Variants in GPRIN3 observed in about 807,000 individuals in gnomAD.
The protein encoded by GPRIN3 is GPRIN family member 3.
In GPRIN3, 12 loss-of-function variants were observed where a neutral mutation model predicts 13.7. That is an observed-to-expected ratio of 0.87 (90% CI 0.56 to 1.42). The LOEUF (loss-of-function observed/expected upper bound fraction) is 1.42, where lower values mean the gene tolerates loss of function less well. Among genes scored for constraint, GPRIN3 ranks in the 40% most tolerant of loss-of-function variants. GPRIN3 has a pLI of 0.00. For synonymous variants in GPRIN3, 377 were observed against 372.7 expected (o/e 1.01, Z -0.13); for missense variants, 1,009 against 958.7 (o/e 1.05, Z -0.69).
At position 89,271,385 on chromosome 4, in the gene GPRIN3, C is replaced by T. The variant is rs368794045; in HGVS notation, c.-123-21152G>A. Among the ~76,000 whole-genome samples, 304 of 152,164 alleles carry T rather than the reference C, an allele frequency of 2.0e-3. 12 individuals are homozygous for T. The South Asian group carries it at 0.056, about 28-fold the overall frequency. On this transcript the variant is annotated intron_variant, in intron 1 of 1. Transcript: ENST00000609438. ...ATTCCCAGTGCATGGTATAGACATA[C>T]CATCATCCAGGACCCCCACTTCAGA... is the stretch of plus-strand genomic sequence containing the variant.
rs1033949863 is a variant in GPRIN3 at position 89,250,177 on chromosome 4, C to T, written c.-67G>A. 40 of 1,538,354 alleles carry T rather than the reference C, an allele frequency of 2.6e-5. No individual in the cohort carries two copies. The Admixed American group carries it at 3.3e-4, about 13-fold the overall frequency. ...TGGTCCCACTGGTGGGGGAGGGGAG[C>T]GCAGTCAGAGCTCAGAGTGATGACA... On this transcript the variant is annotated 5_prime_UTR_variant, in exon 2 of 2. Coordinates refer to ENST00000609438, the MANE Select transcript of GPRIN3 (RefSeq NM_198281.3).
At chr4:89,258,327 G>C (rs746827422) in intron 1 of GPRIN3, among the ~76,000 whole-genome samples, 7 of 151,260 alleles carry the variant, frequency 4.6e-5, no homozygotes, top group African/African-American at 1.7e-4. Flanking sequence ...AGCAATTCTC[G>C]TGCCTCAGTC....
intron 1 of GPRIN3, among the ~76,000 whole-genome samples, chr4:89,262,582 C>G (rs1234089524): frequency 6.6e-6 from 1 of 152,190 alleles, no homozygotes; most frequent in Non-Finnish European, 1.5e-5. Flanking sequence ...TCCATCTGCT[C>G]TTTGCTGTGC....
At chr4:89,256,326 A>G (rs1723464672) in intron 1 of GPRIN3, among the ~76,000 whole-genome samples, 1 of 152,204 alleles carries the variant, frequency 6.6e-6, no homozygotes, top group Non-Finnish European at 1.5e-5. Flanking sequence ...CACTACAGTG[A>G]CATTCATAAC....
At position 89,247,421 on chromosome 4, in the gene GPRIN3, C is replaced by T. The variant is rs1431548; in HGVS notation, c.*359G>A. 0.5 allele frequency: 87,742 copies of T among 176,112 alleles called. 22,425 individuals carry two copies. The highest frequency in any genetic ancestry group is 0.63 in the South Asian group (3,797 of 6,042). The allele number at this position is 176,112 out of a possible 1,614,324, so 10.9% of individuals were successfully genotyped here. ...AGCAGGGATTTTAATGGAACTACTACTGTGTGATAAATTGAGGCAGTTATA... is the reference window on the plus strand; with the variant it reads ...AGCAGGGATTTTAATGGAACTACTATTGTGTGATAAATTGAGGCAGTTATA... On this transcript the variant is annotated 3_prime_UTR_variant, in exon 2 of 2. Coordinates refer to ENST00000609438, the MANE Select transcript of GPRIN3 (RefSeq NM_198281.3).
At chr4:89,252,452 T>A (rs1032800766) in intron 1 of GPRIN3, among the ~76,000 whole-genome samples, 2 of 152,178 alleles carry the variant, frequency 1.3e-5, no homozygotes, top group Non-Finnish European at 1.5e-5. Flanking sequence ...ATTAAATGAT[T>A]TCTGAGGATC....
intron 1 of GPRIN3, among the ~76,000 whole-genome samples, chr4:89,290,056 G>A (rs1326844635): frequency 1.3e-5 from 2 of 151,042 alleles, no homozygotes; most frequent in African/African-American, 4.9e-5. Flanking sequence ...CAGGCTGGAG[G>A]GCAGTGGTGC....
intron 1 of GPRIN3, among the ~76,000 whole-genome samples, chr4:89,305,535 A>G (rs1017085447): frequency 7.2e-5 from 11 of 152,206 alleles, no homozygotes; most frequent in Non-Finnish European, 1.2e-4. Context: ...GCAGCTGCCA[A>G]TGAAAGAGCT....
rs1561174009 is a variant in GPRIN3, at chr4:89,247,809, G to GGACGCA, written c.2296_2301dup (p.Cys766_Val767dup). On this transcript the variant is annotated inframe_insertion, in exon 2 of 2. Transcript: ENST00000609438. ...TCTAACACAGAAGACGGGGCAGGAC[G>GGACGCA]GACGCAGCAGTTGGGGCGTCGGAAG... The GGACGCA allele has an allele frequency of 6.2e-7, 1 of 1,613,376 alleles. No individual in the cohort carries two copies. The highest frequency in any genetic ancestry group is 8.5e-7 in the Non-Finnish European group (1 of 1,179,438).
intron 1 of GPRIN3, among the ~76,000 whole-genome samples, chr4:89,302,494 T>G (rs1724926161): frequency 1.3e-5 from 2 of 152,120 alleles, no homozygotes; most frequent in African/African-American, 4.8e-5. Flanking sequence ...CAGATTCAGA[T>G]TAGGGTCATT....
At chr4:89,276,803 G>C (rs1724106323) in intron 1 of GPRIN3, among the ~76,000 whole-genome samples, 1 of 152,130 alleles carries the variant, frequency 6.6e-6, no homozygotes, top group Non-Finnish European at 1.5e-5. Flanking sequence ...GACAATGTTG[G>C]CTGGGTGGTG....
At chr4:89,258,314 T>C (rs1723536077) in intron 1 of GPRIN3, among the ~76,000 whole-genome samples, 1 of 151,784 alleles carries the variant, frequency 6.6e-6, no homozygotes, top group Non-Finnish European at 1.5e-5. Flanking sequence ...CCTCCTGGGT[T>C]CAAGCAATTC....
At chr4:89,260,137 G>A (rs1193473536) in intron 1 of GPRIN3, among the ~76,000 whole-genome samples, 1 of 152,156 alleles carries the variant, frequency 6.6e-6, no homozygotes, top group Non-Finnish European at 1.5e-5. Flanking sequence ...ATTGGAGGAT[G>A]GAAAAATGTC....
chr4:89,277,889 C>T (rs981132854), intron 1 of GPRIN3, among the ~76,000 whole-genome samples: 14 of 152,132 alleles, frequency 9.2e-5, no homozygotes, highest in Admixed American at 5.2e-4. Flanking sequence ...CGTTTTCTTC[C>T]GTCTTTCTGC....
At chr4:89,288,682 C>T (rs568407191) in intron 1 of GPRIN3, among the ~76,000 whole-genome samples, 3 of 152,288 alleles carry the variant, frequency 2.0e-5, no homozygotes, top group South Asian at 4.1e-4. Context: ...GGCTGAACTA[C>T]ATTTTACCCT....
In GPRIN3 at chr4:89,249,506, G is replaced by A; in HGVS notation, c.605C>T (p.Pro202Leu). Residue 202 changes from proline to leucine, a missense_variant, in exon 2 of 2, where the codon CCA becomes CTA. Transcript: ENST00000609438. ...ACTGACCACCCTGGCTGCTGTCACT[G>A]GAGTCTGCACTGTTCCCTGGATTGT... ...PETIQGTVQT[P>L]VTAARVVSHS... 1.2e-6 allele frequency: 2 copies of A among 1,614,116 alleles called. No homozygotes were observed. The highest frequency in any genetic ancestry group is 4.5e-5 in the East Asian group (2 of 44,872).
intron 1 of GPRIN3, among the ~76,000 whole-genome samples, chr4:89,257,813 C>A (rs1050413067): frequency 1.3e-5 from 2 of 152,110 alleles, no homozygotes; most frequent in African/African-American, 4.8e-5. Flanking sequence ...TTCCTTTAAA[C>A]CCTATTACTA....
chr4:89,290,715 C>CT (rs1370265904), intron 1 of GPRIN3, among the ~76,000 whole-genome samples: 3 of 152,114 alleles, frequency 2.0e-5, no homozygotes, highest in Admixed American at 2.0e-4. Context: ...GATAGGGACT[C>CT]TAAGAAGCTC....
At chr4:89,256,508 C>A (rs1723469313) in intron 1 of GPRIN3, among the ~76,000 whole-genome samples, 1 of 152,160 alleles carries the variant, frequency 6.6e-6, no homozygotes, top group South Asian at 2.1e-4. Flanking sequence ...TCCCCCAAAG[C>A]CACGCTGATG....
Sources: allele counts gnomAD v4.1 joint callset (sites outside exome capture counted in the v4.1 genomes callset), GRCh38; gene constraint gnomAD v4.1.1; transcripts MANE v1.5; gene names NCBI Gene and HGNC (gene_info 2026-07-23, HGNC 2026-07-21).